SP100: variants seen among roughly 807,000 people sequenced by gnomAD.
SP100 encodes the protein SP100 nuclear body protein.
SP100 carries 84 observed loss-of-function variants against 130.0 expected under a neutral mutation model. The ratio of observed to expected loss-of-function variants is 0.65; its 90% CI spans 0.54 to 0.77. The LOEUF is 0.77. Ranked by LOEUF, SP100 falls within the 30% of genes least tolerant of loss-of-function variation. The probability of loss-of-function intolerance (pLI) is 0.00; values close to 1 mark genes in which losing one functional copy is unlikely to be tolerated. For synonymous variants in SP100, 331 were observed against 351.7 expected, an observed-to-expected ratio of 0.94 and a Z score of 0.66; for missense variants, 978 against 1,052.2, an observed-to-expected ratio of 0.93 and a Z score of 0.97.
chr2:230,474,424 T>C lies in SP100; in HGVS notation c.1577T>C (p.Leu526Ser), dbSNP rs940493998. 3 of 1,531,510 alleles carry C rather than the reference T, an allele frequency of 2.0e-6. No individual in the cohort carries two copies. Among genetic ancestry groups the C allele is most frequent in the South Asian group, 1.2e-5 (1 of 86,712 alleles). The allele number at this position is 1,531,510 out of a possible 1,614,324, so 94.9% of individuals were successfully genotyped here. ...DTMDVENNSTLEKHSGKRRKK... is the reference protein window; with the variant it reads ...DTMDVENNSTSEKHSGKRRKK... The stretch of plus-strand genomic sequence containing the variant: ...ATGGATGTTGAAAACAATTCTACTT[T>C]GGAAAAACACAGTGGGAAAAGAAGT... The change falls in exon 17 of 29, where the codon TTG (leucine) becomes TCG (serine). Residue 526 changes from leucine to serine, a missense_variant. Leu to Ser is a moderately radical substitution (Grantham distance 145). Coordinates refer to ENST00000340126, the MANE Select transcript of SP100 (RefSeq NM_001080391.2).
intron 2 of SP100, among the ~76,000 whole-genome samples, chr2:230,439,942 C>T (rs1231673400): frequency 6.6e-6 from 1 of 151,964 alleles, no homozygotes; most frequent in Non-Finnish European, 1.5e-5. Flanking sequence ...TTCAGTGTTA[C>T]ATAAGGTTTT....
chr2:230,498,364 C>T (rs1484954045), intron 18 of SP100, 97 bp from the exon 19 acceptor site: 1 of 593,152 alleles, frequency 1.7e-6, no homozygotes, highest in Non-Finnish European at 2.8e-6. Flanking sequence ...GTGTTAGGCT[C>T]TGGAAAAGTT....
intron 24 of SP100, among the ~76,000 whole-genome samples, chr2:230,514,778 C>G (rs566843639): frequency 7.6e-4 from 116 of 152,262 alleles, no homozygotes; most frequent in African/African-American, 2.7e-3. Flanking sequence ...GAAAGCCAAG[C>G]CAAGGATTTA....
chr2:230,541,512 G>T, intron 27 of SP100, 140 bp downstream of exon 27: 1 of 721,576 alleles, frequency 1.4e-6, no homozygotes, highest in Non-Finnish European at 2.3e-6. Context: ...TCATAGATTA[G>T]GTGGCTTAAA....
intron 18 of SP100, 31 bp from the exon 19 acceptor site, chr2:230,498,430 C>A: frequency 1.5e-6 from 2 of 1,334,790 alleles, no homozygotes; most frequent in South Asian, 1.5e-5. Context: ...TTTTTTACAC[C>A]ATCCATATTT....
intron 2 of SP100, among the ~76,000 whole-genome samples, chr2:230,439,423 T>C (rs1403496731): frequency 1.3e-5 from 2 of 152,176 alleles, no homozygotes; most frequent in Non-Finnish European, 2.9e-5. Context: ...ATTTTACCCA[T>C]CCATGAGCAT....
At chr2:230,476,353 T>C (rs1429806408) in intron 17 of SP100, among the ~76,000 whole-genome samples, 1 of 152,232 alleles carries the variant, frequency 6.6e-6, no homozygotes, top group Non-Finnish European at 1.5e-5. Flanking sequence ...GTTTTTAGTG[T>C]ATAAAGATGC....
intron 24 of SP100, chr2:230,515,809 T>C: frequency 1.4e-6 from 2 of 1,439,254 alleles, no homozygotes; most frequent in Admixed American, 2.8e-5. Flanking sequence ...TGTCTTCAGA[T>C]AGCCCTGTCC....
intron 17 of SP100, among the ~76,000 whole-genome samples, chr2:230,493,478 A>G (rs2066498504): frequency 6.6e-6 from 1 of 152,166 alleles, no homozygotes. Context: ...CGGCCTCCCA[A>G]AGTGCTAAGA....
At chr2:230,421,208 T>C (rs1030215323) in intron 2 of SP100, among the ~76,000 whole-genome samples, 2 of 152,168 alleles carry the variant, frequency 1.3e-5, no homozygotes, top group African/African-American at 4.8e-5. Context: ...TCATTATGAA[T>C]TCTTCCCAAG....
rs780211255 is a variant in SP100 at position 230,469,064 on chromosome 2, C to T, written c.1313C>T (p.Thr438Ile). 1 of 1,597,080 alleles carries T rather than the reference C, an allele frequency of 6.3e-7. No individual in the cohort carries two copies. The highest frequency in any genetic ancestry group is 1.1e-5 in the South Asian group (1 of 89,580). The change falls in exon 14 of 29, where the codon ACA (threonine) becomes ATA (isoleucine). Residue 438 changes from threonine (T) to isoleucine (I), a missense_variant. By Grantham distance (89) the Thr-to-Ile change is moderately conservative. Coordinates refer to ENST00000340126, the MANE Select transcript of SP100 (RefSeq NM_001080391.2). Reference protein sequence around the residue: ...GEKAPMTSRSTSTWRIPSRKR... With the variant: ...GEKAPMTSRSISTWRIPSRKR... ...CTAGCTCCTATGACTTCTAGAAGTA[C>T]ATCTACTTGGAGAATACCCAGCAGG...
intron 11 of SP100, among the ~76,000 whole-genome samples, chr2:230,465,041 T>C (rs899607239): frequency 6.6e-6 from 1 of 151,984 alleles, no homozygotes; most frequent in African/African-American, 2.4e-5. Context: ...TTCGAGACCA[T>C]CCTGGCCAAT....
intron 18 of SP100, among the ~76,000 whole-genome samples, chr2:230,496,695 TCAAC>T (rs2066684365): frequency 6.6e-6 from 1 of 152,210 alleles, no homozygotes; most frequent in African/African-American, 2.4e-5. Flanking sequence ...AGAGAACCTC[TCAAC>T]CAAAGTTCCC....
intron 7 of SP100, 34 bp from the exon 8 acceptor site, chr2:230,450,138 A>G (rs1336179317): frequency 1.3e-6 from 2 of 1,486,528 alleles, no homozygotes; most frequent in African/African-American, 2.8e-5. Context: ...GCAAGGCTCT[A>G]CTGGATCTCA....
Position 230,544,049 on chromosome 2 carries a change from G to T in SP100, c.*1103G>T, listed in dbSNP as rs941963763. ...GATCGTCGATAAAAACAAGCAATGG[G>T]AAAAAGACTCCCTATTTTATAAATG... On this transcript the variant is annotated 3_prime_UTR_variant, in exon 29 of 29. Transcript: ENST00000340126. 1 of 152,094 alleles carries T rather than the reference G, an allele frequency of 6.6e-6. No homozygotes were observed. Among genetic ancestry groups the T allele is most frequent in the African/African-American group, 2.4e-5 (1 of 41,428 alleles). 9.4% of individuals were successfully genotyped at this position (152,094 alleles called of 1,614,324 possible). A position where few individuals can be genotyped will look rare whatever the true frequency, so the allele number is the denominator to read the frequency against.
chr2:230,456,140 C>T (rs550647144), intron 8 of SP100, among the ~76,000 whole-genome samples: 1 of 152,208 alleles, frequency 6.6e-6, no homozygotes, highest in South Asian at 2.1e-4. Context: ...CGGTCTTTAT[C>T]TCTCCTTTAT....
At chr2:230,487,870 G>C (rs1016635112) in intron 17 of SP100, among the ~76,000 whole-genome samples, 12 of 152,174 alleles carry the variant, frequency 7.9e-5, no homozygotes, top group Middle Eastern at 3.4e-3. Flanking sequence ...TTGAGCAGTG[G>C]TTTGTAGTTC....
chr2:230,431,530 C>T (rs186198249), intron 2 of SP100, among the ~76,000 whole-genome samples: 1 of 152,164 alleles, frequency 6.6e-6, no homozygotes, highest in South Asian at 2.1e-4. Context: ...ACAAAGGCAT[C>T]CTTGTCTATG....
chr2:230,426,825 A>G (rs2062947048), intron 2 of SP100, among the ~76,000 whole-genome samples: 1 of 152,206 alleles, frequency 6.6e-6, no homozygotes, highest in Admixed American at 6.5e-5. Context: ...TGATTGATCT[A>G]TGATTATTGA....
Sources: allele counts gnomAD v4.1 joint callset (sites outside exome capture counted in the v4.1 genomes callset), GRCh38; gene constraint gnomAD v4.1.1; transcripts MANE v1.5; gene names NCBI Gene and HGNC (gene_info 2026-07-23, HGNC 2026-07-21).